CYTH3: variants seen among roughly 807,000 people sequenced by gnomAD.
CYTH3 encodes the protein cytohesin 3.
CYTH3 carries 23 observed loss-of-function variants against 55.1 expected under a neutral mutation model. The ratio of observed to expected loss-of-function variants is 0.42; its 90% CI spans 0.30 to 0.59. The LOEUF is 0.59. CYTH3 is among the 20% of genes least tolerant of loss of function. The pLI, the probability that CYTH3 is intolerant of heterozygous loss-of-function variation, is 0.20. For synonymous variants in CYTH3, 249 were observed against 194.9 expected (o/e 1.28, Z -2.31); for missense variants, 413 against 524.8 (o/e 0.79, Z 2.08).
chr7:6,170,451 C>G lies in CYTH3; in HGVS notation c.823+84G>C, dbSNP rs1431593876. On this transcript the variant is annotated intron_variant, in intron 9 of 12. Transcript: ENST00000350796. This position sits in a 1 kb window ranked among gnomAD's most constrained non-coding sequence, Gnocchi z 7.8. ...TCTCTGCCTGCGGTGGGGGGCATTC[C>G]TACGATGAGCCTGGGAGGAACCCGA... 5 of 1,297,320 alleles carry G rather than the reference C, an allele frequency of 3.9e-6. No homozygotes were observed. In the East Asian group the frequency reaches 1.2e-4, roughly 31 times the overall value. The allele number at this position is 1,297,320 out of a possible 1,614,324, so 80.4% of individuals were successfully genotyped here.
In CYTH3 at chr7:6,169,661, G is replaced by A. The variant is rs1299609135; in HGVS notation, c.823+874C>T. Among the ~76,000 whole-genome samples, 1 of 152,182 alleles carries A rather than the reference G, an allele frequency of 6.6e-6. No homozygotes were observed. Among genetic ancestry groups the A allele is most frequent in the East Asian group, 1.9e-4 (1 of 5,196 alleles). ...ATAAGGCAACCATCCCCGCCCCGCA[G>A]GCAAAACAACCCCTCAGCATTTCTA... On this transcript the variant is annotated intron_variant, in intron 9 of 12. Coordinates refer to ENST00000350796, the MANE Select transcript of CYTH3 (RefSeq NM_004227.4). This position sits in a 1 kb window ranked among gnomAD's most constrained non-coding sequence, Gnocchi z 4.1.
At chr7:6,253,355 C>G (rs1165015975) in intron 1 of CYTH3, among the ~76,000 whole-genome samples, 2 of 151,726 alleles carry the variant, frequency 1.3e-5, no homozygotes, top group African/African-American at 4.8e-5. Flanking sequence ...TTCAGGTATG[C>G]AGCACCATGC....
intron 1 of CYTH3, among the ~76,000 whole-genome samples, chr7:6,253,986 C>A (rs1165066572): frequency 6.7e-6 from 1 of 150,338 alleles, no homozygotes; most frequent in Admixed American, 6.6e-5. Flanking sequence ...GAGTGAGACT[C>A]TGTCTCAAAA....
At chr7:6,191,099 G>C (rs1182587211) in intron 1 of CYTH3, among the ~76,000 whole-genome samples, 3 of 151,172 alleles carry the variant, frequency 2.0e-5, no homozygotes, top group Admixed American at 6.6e-5. Context: ...AAATTAAAAA[G>C]AATGAGCTAA....
chr7:6,208,034 G>A (rs1256762772), intron 1 of CYTH3, among the ~76,000 whole-genome samples: 2 of 152,114 alleles, frequency 1.3e-5, no homozygotes, highest in African/African-American at 4.8e-5. Context: ...GAGCACTACT[G>A]TTCTTATTCT....
rs1464853434 is a variant in CYTH3 at position 6,164,074 on chromosome 7, G to C, written c.*870C>G. On this transcript the variant is annotated 3_prime_UTR_variant, in exon 13 of 13. Transcript: ENST00000350796. ...TTAACTGTTATAATTTTAATGATTT[G>C]CTTAAAGTATTTGTGGGGCCAAAAA... 1 of 152,188 alleles carries C rather than the reference G, an allele frequency of 6.6e-6. No individual in the cohort carries two copies. The highest frequency in any genetic ancestry group is 1.9e-4 in the East Asian group (1 of 5,198). 9.4% of individuals were successfully genotyped at this position (152,188 alleles called of 1,614,324 possible).
chr7:6,251,012 C>G (rs1244598845), intron 1 of CYTH3, among the ~76,000 whole-genome samples: 1 of 152,228 alleles, frequency 6.6e-6, no homozygotes, highest in African/African-American at 2.4e-5. Context: ...GGCTCAGTGG[C>G]TCACGCCTGT....
chr7:6,231,760 C>T (rs527324082), intron 1 of CYTH3, among the ~76,000 whole-genome samples: 26 of 152,216 alleles, frequency 1.7e-4, no homozygotes, highest in Non-Finnish European at 3.5e-4. Context: ...TTATTATCCC[C>T]CAAGTGGGGA....
At chr7:6,181,071 C>T (rs1277009305) in intron 4 of CYTH3, among the ~76,000 whole-genome samples, 2 of 152,142 alleles carry the variant, frequency 1.3e-5, no homozygotes, top group African/African-American at 4.8e-5. Flanking sequence ...TCAGTGATTA[C>T]TCTTAAAATT....
At chr7:6,238,432 T>A (rs1253492165) in intron 1 of CYTH3, among the ~76,000 whole-genome samples, 1 of 152,146 alleles carries the variant, frequency 6.6e-6, no homozygotes, top group African/African-American at 2.4e-5. Context: ...AAGATGAAGT[T>A]CAATAAAGAC....
intron 1 of CYTH3, among the ~76,000 whole-genome samples, chr7:6,209,063 T>C (rs549658603): frequency 1.3e-5 from 2 of 152,358 alleles, no homozygotes; most frequent in African/African-American, 4.8e-5. Flanking sequence ...AGATAAGTCC[T>C]TAAATCATGA....
chr7:6,195,997 G>T (rs1430020457), intron 1 of CYTH3, among the ~76,000 whole-genome samples: 3 of 152,294 alleles, frequency 2.0e-5, no homozygotes, highest in Non-Finnish European at 2.9e-5. Flanking sequence ...CGGTAACCCA[G>T]TCTGTTCATC....
At position 6,170,451 on chromosome 7, in the gene CYTH3, CT is replaced by C. The variant is rs1474656487; in HGVS notation, c.823+83del. 7.7e-7 allele frequency: 1 copy of C among 1,297,320 alleles called. No individual in the cohort carries two copies. Among genetic ancestry groups the C allele is most frequent in the Non-Finnish European group, 1.1e-6 (1 of 928,866 alleles). The allele number at this position is 1,297,320 out of a possible 1,614,324, so 80.4% of individuals were successfully genotyped here. A position where few individuals can be genotyped will look rare whatever the true frequency, so the allele number is the denominator to read the frequency against. Reference sequence around the variant, plus strand: ...TCTCTGCCTGCGGTGGGGGGCATTCCTACGATGAGCCTGGGAGGAACCCGAG... The same window carrying C: ...TCTCTGCCTGCGGTGGGGGGCATTCCACGATGAGCCTGGGAGGAACCCGAG... On this transcript the variant is annotated intron_variant, in intron 9 of 12. Coordinates refer to ENST00000350796, the MANE Select transcript of CYTH3 (RefSeq NM_004227.4). The surrounding 1 kb of genome is among the most constrained non-coding windows in gnomAD (Gnocchi z 7.8).
At chr7:6,266,996 G>C (rs1780513449) in intron 1 of CYTH3, among the ~76,000 whole-genome samples, 1 of 152,190 alleles carries the variant, frequency 6.6e-6, no homozygotes, top group Non-Finnish European at 1.5e-5. Context: ...CAGGATCATG[G>C]AGGCAGATCC....
At chr7:6,270,423 A>C (rs1206821290) in intron 1 of CYTH3, among the ~76,000 whole-genome samples, 1 of 152,234 alleles carries the variant, frequency 6.6e-6, no homozygotes, top group Non-Finnish European at 1.5e-5. Flanking sequence ...TGAATGTTCC[A>C]GTGAGATGAA....
chr7:6,197,979 G>A (rs1037770900), intron 1 of CYTH3, among the ~76,000 whole-genome samples: 5 of 151,876 alleles, frequency 3.3e-5, no homozygotes, highest in South Asian at 4.2e-4. Flanking sequence ...CCACAGTCCC[G>A]GGTACTCAAG....
intron 5 of CYTH3, among the ~76,000 whole-genome samples, chr7:6,176,254 ATTTTTTT>A (rs776819156): frequency 4.1e-4 from 34 of 82,904 alleles, no homozygotes; most frequent in African/African-American, 6.4e-4. Context: ...AATACAATTG[ATTTTTTT>A]TTTTTTTTTT....
rs17136048 is a variant in CYTH3, at chr7:6,163,064, A to C, written c.*1880T>G. ...CGCTGACTTGCCTTTCTCAGAACTAAAACTTCCGATTTGAGGTATCAGTAA... is the reference window on the plus strand; with the variant it reads ...CGCTGACTTGCCTTTCTCAGAACTACAACTTCCGATTTGAGGTATCAGTAA... On this transcript the variant is annotated 3_prime_UTR_variant, in exon 13 of 13. Coordinates refer to ENST00000350796, the MANE Select transcript of CYTH3 (RefSeq NM_004227.4). 0.073 allele frequency: 11,225 copies of C among 152,738 alleles called. 525 individuals are homozygous for C. The highest frequency in any genetic ancestry group is 0.12 in the African/African-American group (4,871 of 41,568). 9.5% of individuals were successfully genotyped at this position (152,738 alleles called of 1,614,324 possible).
chr7:6,238,903 G>A (rs537559039), intron 1 of CYTH3, among the ~76,000 whole-genome samples: 7 of 149,268 alleles, frequency 4.7e-5, no homozygotes, highest in Non-Finnish European at 1.0e-4. Flanking sequence ...CAGAACTCCA[G>A]GTTAAAAATA....
Sources: gnomAD v4.1 joint callset for allele counts (sites outside exome capture counted in the v4.1 genomes callset) on GRCh38, gnomAD v4.1.1 for gene constraint, Gnocchi (gnomAD v3.1) non-coding constraint, MANE v1.5 for transcripts, NCBI Gene and HGNC (gene_info 2026-07-23, HGNC 2026-07-21) for gene names.